MED12L: variants seen among roughly 807,000 people sequenced by gnomAD.
The protein encoded by MED12L is mediator complex subunit 12L.
MED12L carries 60 observed loss-of-function variants against 281.3 expected under a neutral mutation model. The observed-to-expected ratio is 0.21, with a 90% CI of 0.17 to 0.26. MED12L has a LOEUF of 0.26. Among genes scored for constraint, MED12L ranks in the 10% least tolerant of loss-of-function variants. MED12L has a pLI of 1.00. For missense variants in MED12L, 2,146 were observed against 2,680.9 expected (o/e 0.80, Z 4.41); for synonymous variants, 974 against 987.2 (o/e 0.99, Z 0.25).
intron 16 of MED12L, among the ~76,000 whole-genome samples, chr3:151,314,199 C>T (rs1747933503): frequency 6.6e-6 from 1 of 152,142 alleles, no homozygotes; most frequent in South Asian, 2.1e-4. Context: ...TTAATCAGTG[C>T]TCTCGCTTAA....
chr3:151,389,353 T>A lies in MED12L; in HGVS notation c.5452-626T>A, dbSNP rs199919145. 4.6e-5 allele frequency among the ~76,000 whole-genome samples: 7 copies of A among 152,276 alleles called. No homozygotes were observed. The East Asian group carries it at 1.4e-3, about 29-fold the overall frequency. On this transcript the variant is annotated intron_variant, in intron 37 of 44. Transcript: ENST00000687756. The stretch of plus-strand genomic sequence containing the variant: ...CAATGAGATATGCTCTTCAGTAAAA[T>A]TGCAGGGAAATGAGATTTTGTTTCT...
At chr3:151,270,088 G>A (rs1445849825) in intron 16 of MED12L, 1 of 216,326 alleles carries the variant, frequency 4.6e-6, no homozygotes, top group Non-Finnish European at 9.2e-6. Flanking sequence ...AGATGAAGAT[G>A]ATGATGAAAG....
At chr3:151,176,042 G>A (rs1469437726) in intron 11 of MED12L, among the ~76,000 whole-genome samples, 1 of 152,066 alleles carries the variant, frequency 6.6e-6, no homozygotes, top group African/African-American at 2.4e-5. Context: ...ATATAATACA[G>A]GAGTACATTC....
chr3:151,188,793 G>A (rs540407273), intron 13 of MED12L, among the ~76,000 whole-genome samples: 15 of 152,170 alleles, frequency 9.9e-5, no homozygotes, highest in Admixed American at 2.0e-4. Flanking sequence ...GTAGTTTTCT[G>A]TATGTCTGAT....
intron 16 of MED12L, among the ~76,000 whole-genome samples, chr3:151,243,215 T>C (rs1734595684): frequency 6.6e-6 from 1 of 151,684 alleles, no homozygotes; most frequent in African/African-American, 2.4e-5. Flanking sequence ...CAGGAGAACT[T>C]CCCCAATCTA....
At chr3:151,087,095 C>T (rs973851754) in intron 2 of MED12L, 70 bp downstream of exon 2, 12 of 1,291,044 alleles carry the variant, frequency 9.3e-6, no homozygotes, top group Non-Finnish European at 1.3e-5. Flanking sequence ...GCCAAGTTGG[C>T]CCAGCGGGCA....
intron 2 of MED12L, among the ~76,000 whole-genome samples, chr3:151,092,534 C>G (rs544682210): frequency 6.6e-6 from 1 of 152,322 alleles, no homozygotes; most frequent in East Asian, 1.9e-4. Flanking sequence ...ATTTAACTAT[C>G]TCAATGCTTG....
intron 14 of MED12L, 27 bp downstream of exon 14, chr3:151,190,958 T>TCC: frequency 6.3e-7 from 1 of 1,598,510 alleles, no homozygotes; most frequent in Non-Finnish European, 8.6e-7. Flanking sequence ...GATGCCCCAC[T>TCC]CCCCCAGAAA....
At chr3:151,235,497 A>G (rs1732556122) in intron 16 of MED12L, among the ~76,000 whole-genome samples, 1 of 152,124 alleles carries the variant, frequency 6.6e-6, no homozygotes, top group Non-Finnish European at 1.5e-5. Context: ...TGAGGTCAGG[A>G]GATCGAGACC....
At position 151,434,601 on chromosome 3, in the gene MED12L, G is replaced by A. The variant is rs1470613762; in HGVS notation, c.*1797G>A. 2 of 152,270 alleles carry A rather than the reference G, an allele frequency of 1.3e-5. No individual in the cohort carries two copies. Among genetic ancestry groups the A allele is most frequent in the South Asian group, 2.1e-4 (1 of 4,824 alleles). 9.4% of individuals were successfully genotyped at this position (152,270 alleles called of 1,614,324 possible). On this transcript the variant is annotated 3_prime_UTR_variant, in exon 45 of 45. Coordinates refer to ENST00000687756, the MANE Select transcript of MED12L (RefSeq NM_001393769.1). ...CCTCTCAAGAAACATACTTAGATAA[G>A]CTAATGAAGTTGTTTTCTTCAAAGT...
intron 16 of MED12L, among the ~76,000 whole-genome samples, chr3:151,196,132 C>G (rs1425812326): frequency 6.6e-6 from 1 of 152,122 alleles, no homozygotes; most frequent in Non-Finnish European, 1.5e-5. Flanking sequence ...ATTCTACTTC[C>G]TTGGAAGAAA....
At chr3:151,138,693 C>A (rs1214112141) in intron 5 of MED12L, among the ~76,000 whole-genome samples, 1 of 152,090 alleles carries the variant, frequency 6.6e-6, no homozygotes, top group African/African-American at 2.4e-5. Flanking sequence ...ATGGTTAGAC[C>A]AGGGTTACAG....
chr3:151,192,568 C>T lies in MED12L; in HGVS notation c.1987C>T (p.His663Tyr), dbSNP rs1232636159. ...VKMEEQSIMA[H>Y]MGIDSGTTNI... Reference sequence around the variant, plus strand: ...TTATCAGGAACAGAGTATTATGGCGCATATGGGCATTGACTCAGGAACCAC... The same window carrying T: ...TTATCAGGAACAGAGTATTATGGCGTATATGGGCATTGACTCAGGAACCAC... Residue 663 changes from histidine (H) to tyrosine (Y), a missense_variant, in exon 15 of 45, where the codon CAT becomes TAT. By Grantham distance (83) the His-to-Tyr change is moderately conservative (BLOSUM62 2). Coordinates refer to ENST00000687756, the MANE Select transcript of MED12L (RefSeq NM_001393769.1). 6.5e-7 allele frequency: 1 copy of T among 1,534,676 alleles called. No homozygotes were observed. Among genetic ancestry groups the T allele is most frequent in the African/African-American group, 1.4e-5 (1 of 73,002 alleles).
intron 5 of MED12L, among the ~76,000 whole-genome samples, chr3:151,136,314 T>C (rs1460977503): frequency 6.6e-6 from 1 of 152,254 alleles, no homozygotes; most frequent in East Asian, 1.9e-4. Flanking sequence ...TGTGAAGACA[T>C]TGCATACTAA....
At chr3:151,337,170 C>T (rs1453029498) in intron 16 of MED12L, 2 of 151,916 alleles carry the variant, frequency 1.3e-5, no homozygotes, top group South Asian at 2.1e-4. Flanking sequence ...TTAATGACTT[C>T]GATATTTCTT....
chr3:151,181,363 G>C (rs960847475), intron 11 of MED12L, among the ~76,000 whole-genome samples: 1 of 151,448 alleles, frequency 6.6e-6, no homozygotes. Context: ...TGTAATTTCA[G>C]CTCATCATTA....
intron 22 of MED12L, 39 bp downstream of exon 22, chr3:151,365,245 A>T (rs542349801): frequency 6.6e-7 from 1 of 1,526,524 alleles, no homozygotes; most frequent in South Asian, 1.1e-5. Flanking sequence ...TTAACCAAAG[A>T]GTTGTTGCCT....
intron 16 of MED12L, among the ~76,000 whole-genome samples, chr3:151,208,856 G>A (rs552030297): frequency 2.8e-4 from 43 of 152,220 alleles, no homozygotes; most frequent in African/African-American, 9.6e-4. Flanking sequence ...GGGGGATTTG[G>A]GAGAGAAGGG....
At chr3:151,275,549 C>A (rs1482033617) in intron 16 of MED12L, among the ~76,000 whole-genome samples, 1 of 152,142 alleles carries the variant, frequency 6.6e-6, no homozygotes, top group Admixed American at 6.6e-5. Context: ...TTCACTTTGA[C>A]TTTAAAGAAC....
Sources: allele counts gnomAD v4.1 joint callset (sites outside exome capture counted in the v4.1 genomes callset), GRCh38; gene constraint gnomAD v4.1.1; transcripts MANE v1.5; gene names NCBI Gene and HGNC (gene_info 2026-07-23, HGNC 2026-07-21).